NBAS: variants seen among roughly 807,000 people sequenced by gnomAD.
The protein encoded by NBAS is NAG/BC035112 fusion.
Under a neutral mutation model 302.5 loss-of-function variants are expected in NBAS, and 219 were observed. The observed-to-expected ratio is 0.72, with a 90% confidence interval of 0.65 to 0.81. The LOEUF (loss-of-function observed/expected upper bound fraction) is 0.81, where lower values mean the gene tolerates loss of function less well. NBAS is among the 30% of genes least tolerant of loss of function. The pLI is 0.00. For synonymous variants in NBAS, 1,118 were observed against 1,021.6 expected, an observed-to-expected ratio of 1.09 and a Z score of -1.80; for missense variants, 2,932 against 2,841.6, an observed-to-expected ratio of 1.03 and a Z score of -0.72.
chr2:15,048,582 C>A, the NBAS span, among the ~76,000 whole-genome samples: 1 of 152,216 alleles, frequency 6.6e-6, no homozygotes, highest in East Asian at 1.9e-4. Flanking sequence ...TCCTGCTCCA[C>A]CCAAGGCCAG....
intron 44 of NBAS, among the ~76,000 whole-genome samples, chr2:15,239,749 T>C (rs920618047): frequency 6.6e-6 from 1 of 152,054 alleles, no homozygotes; most frequent in Non-Finnish European, 1.5e-5. Flanking sequence ...CTATTTTTTT[T>C]TCTTTCCTTC....
At chr2:15,175,847 A>G (rs1664511748) in intron 51 of NBAS, among the ~76,000 whole-genome samples, 1 of 152,218 alleles carries the variant, frequency 6.6e-6, no homozygotes, top group African/African-American at 2.4e-5. Context: ...AACTGTAAAC[A>G]CCTATAAAGC....
At chr2:14,997,453 GT>G in the NBAS span, among the ~76,000 whole-genome samples, 52,396 of 141,884 alleles carry the variant, frequency 0.37, 9,747 homozygotes, top group Middle Eastern at 0.44. Flanking sequence ...CCCTGTGCTT[GT>G]TTTTTTTTTT....
At chr2:15,526,981 T>C (rs1662939536) in intron 9 of NBAS, among the ~76,000 whole-genome samples, 2 of 151,474 alleles carry the variant, frequency 1.3e-5, no homozygotes, top group South Asian at 4.2e-4. Context: ...AAAAAAGAAA[T>C]CAAATATTGA....
chr2:14,995,781 G>A, the NBAS span, among the ~76,000 whole-genome samples: 8 of 152,054 alleles, frequency 5.3e-5, no homozygotes, highest in African/African-American at 1.9e-4. Flanking sequence ...CTACTCACAG[G>A]CATGATCATA....
chr2:14,946,820 A>T, the NBAS span, among the ~76,000 whole-genome samples: 12 of 152,206 alleles, frequency 7.9e-5, no homozygotes, highest in African/African-American at 2.9e-4. Flanking sequence ...AGTAAAAATC[A>T]TATCAAGTAT....
the NBAS span, among the ~76,000 whole-genome samples, chr2:14,841,900 C>T: frequency 6.6e-6 from 1 of 151,958 alleles, no homozygotes; most frequent in Non-Finnish European, 1.5e-5. Context: ...TTATTTTAAT[C>T]AACATATGGA....
At chr2:15,547,102 C>A (rs891057670) in intron 6 of NBAS, among the ~76,000 whole-genome samples, 2 of 152,178 alleles carry the variant, frequency 1.3e-5, no homozygotes, top group Admixed American at 6.5e-5. Context: ...AAACTGAATT[C>A]CTATTTATGG....
intron 36 of NBAS, among the ~76,000 whole-genome samples, chr2:15,329,588 T>C (rs186034414): frequency 6.6e-4 from 101 of 152,324 alleles, no homozygotes; most frequent in African/African-American, 2.4e-3. Flanking sequence ...CTATAGTCGT[T>C]ATCACAGTCT....
chr2:14,934,474 G>A, the NBAS span, among the ~76,000 whole-genome samples: 26 of 152,018 alleles, frequency 1.7e-4, no homozygotes, highest in Non-Finnish European at 3.2e-4. Context: ...TATTGAGTCC[G>A]TAGTTTAATT....
At chr2:15,309,300 A>G in intron 38 of NBAS, 53 bp from the exon 39 acceptor site, 1 of 1,441,374 alleles carries the variant, frequency 6.9e-7, no homozygotes, top group Non-Finnish European at 9.6e-7. Context: ...TGATATTCAT[A>G]GTTATTAAAT....
At chr2:15,287,279 G>A (rs981805668) in intron 41 of NBAS, 96 bp from the exon 42 acceptor site, 57 of 886,058 alleles carry the variant, frequency 6.4e-5, no homozygotes, top group Non-Finnish European at 9.9e-5. Flanking sequence ...TCTCCAGTGA[G>A]AGAGGTGCAA....
At chr2:15,351,647 T>C (rs1046605984) in intron 35 of NBAS, among the ~76,000 whole-genome samples, 10 of 151,928 alleles carry the variant, frequency 6.6e-5, no homozygotes, top group African/African-American at 2.2e-4. Flanking sequence ...CACTGCACTC[T>C]AGCCTGGCAA....
the NBAS span, among the ~76,000 whole-genome samples, chr2:14,882,417 G>A: frequency 1.3e-5 from 2 of 152,080 alleles, no homozygotes; most frequent in East Asian, 1.9e-4. Context: ...ATGAACCCTG[G>A]AAAAGATAGG....
the NBAS span, among the ~76,000 whole-genome samples, chr2:14,919,616 C>G: frequency 6.6e-6 from 1 of 152,180 alleles, no homozygotes; most frequent in African/African-American, 2.4e-5. Context: ...CCTCTCAAAG[C>G]CTACCACTGC....
chr2:15,470,829 G>T (rs1679926631), intron 16 of NBAS, among the ~76,000 whole-genome samples: 1 of 152,032 alleles, frequency 6.6e-6, no homozygotes, highest in Non-Finnish European at 1.5e-5. Flanking sequence ...GTGTGGTGTT[G>T]TGTGCCTGTA....
chr2:15,274,830 T>C (rs931409791), intron 44 of NBAS, among the ~76,000 whole-genome samples: 1 of 152,132 alleles, frequency 6.6e-6, no homozygotes, highest in African/African-American at 2.4e-5. Context: ...AGTGGCATGA[T>C]CTCAGCTCAC....
At chr2:15,457,932 C>A (rs1027231011) in intron 21 of NBAS, among the ~76,000 whole-genome samples, 1 of 152,206 alleles carries the variant, frequency 6.6e-6, no homozygotes, top group African/African-American at 2.4e-5. Context: ...TAAACACAGA[C>A]CTGGGCTTCT....
chr2:15,415,428 T>C, intron 25 of NBAS, 118 bp downstream of exon 25: 2 of 908,818 alleles, frequency 2.2e-6, no homozygotes, highest in South Asian at 1.5e-5. Flanking sequence ...TGACAATCAT[T>C]TGTTTTTCTG....
Sources: gnomAD v4.1 joint callset for allele counts (sites outside exome capture counted in the v4.1 genomes callset) on GRCh38, gnomAD v4.1.1 for gene constraint, MANE v1.5 for transcripts, NCBI Gene and HGNC (gene_info 2026-07-23, HGNC 2026-07-21) for gene names.